CSNK1G3: variants seen among roughly 807,000 people sequenced by gnomAD.
CSNK1G3 encodes casein kinase I isoform gamma-3.
In CSNK1G3, 23 loss-of-function variants were observed where a neutral mutation model predicts 64.3. The observed-to-expected ratio is 0.36, with a 90% CI of 0.26 to 0.51. The LOEUF is 0.51. CSNK1G3 is among the 20% of genes least tolerant of loss of function. The probability of loss-of-function intolerance (pLI) is 0.96; values close to 1 mark genes in which losing one functional copy is unlikely to be tolerated. For missense variants in CSNK1G3, 357 were observed against 510.5 expected (o/e 0.70, Z 2.90); for synonymous variants, 158 against 162.2 (o/e 0.97, Z 0.20).
intron 12 of CSNK1G3, among the ~76,000 whole-genome samples, chr5:123,607,962 T>G (rs1795645600): frequency 6.6e-6 from 1 of 151,566 alleles, no homozygotes; most frequent in Admixed American, 6.6e-5. Flanking sequence ...TTGAGCATGA[T>G]TTTTTTTCTT....
At chr5:123,598,200 C>T (rs1793794057) in intron 10 of CSNK1G3, among the ~76,000 whole-genome samples, 1 of 152,136 alleles carries the variant, frequency 6.6e-6, no homozygotes, top group Admixed American at 6.6e-5. Context: ...AAGTGTGCCC[C>T]TCTCGGTTCC....
chr5:123,579,661 A>G (rs1030541654), intron 6 of CSNK1G3, among the ~76,000 whole-genome samples: 2 of 152,028 alleles, frequency 1.3e-5, no homozygotes, highest in Admixed American at 1.3e-4. Flanking sequence ...ATTTGTAGAA[A>G]TGGCGAAGTG....
intron 1 of CSNK1G3, among the ~76,000 whole-genome samples, chr5:123,540,846 C>T (rs1042223944): frequency 1.4e-4 from 21 of 152,052 alleles, no homozygotes; most frequent in South Asian, 4.1e-4. Context: ...AGGCTGGTCT[C>T]GAACTTCTGA....
chr5:123,580,475 A>C (rs990282646), intron 6 of CSNK1G3, among the ~76,000 whole-genome samples: 1 of 152,082 alleles, frequency 6.6e-6, no homozygotes, highest in East Asian at 1.9e-4. Flanking sequence ...TTCAGAAGGC[A>C]GATGTTGCAG....
chr5:123,541,859 G>C (rs539933823), intron 1 of CSNK1G3, among the ~76,000 whole-genome samples: 4 of 151,982 alleles, frequency 2.6e-5, no homozygotes, highest in Non-Finnish European at 4.4e-5. Context: ...AAAGTCCACT[G>C]TCTTGCTATT....
At chr5:123,607,580 G>T (rs1795572490) in intron 12 of CSNK1G3, among the ~76,000 whole-genome samples, 1 of 152,166 alleles carries the variant, frequency 6.6e-6, no homozygotes, top group Non-Finnish European at 1.5e-5. Flanking sequence ...ATTAGTGATT[G>T]CCCAGGGCAG....
intron 6 of CSNK1G3, among the ~76,000 whole-genome samples, chr5:123,578,718 T>C (rs1789652866): frequency 6.6e-6 from 1 of 151,990 alleles, no homozygotes; most frequent in Non-Finnish European, 1.5e-5. Context: ...TCATTACATT[T>C]TATGCTTTCT....
intron 6 of CSNK1G3, among the ~76,000 whole-genome samples, chr5:123,580,944 T>C (rs1477870641): frequency 2.0e-5 from 3 of 151,936 alleles, no homozygotes; most frequent in Admixed American, 6.6e-5. Flanking sequence ...GTAAGTTCTC[T>C]GAATAGGAGA....
At chr5:123,558,106 C>CT (rs1242263555) in intron 4 of CSNK1G3, among the ~76,000 whole-genome samples, 1 of 152,156 alleles carries the variant, frequency 6.6e-6, no homozygotes. Context: ...GCTTCTAGTA[C>CT]TTTCGCCTAG....
At chr5:123,550,694 A>G (rs1178666552) in intron 2 of CSNK1G3, among the ~76,000 whole-genome samples, 1 of 152,214 alleles carries the variant, frequency 6.6e-6, no homozygotes, top group Non-Finnish European at 1.5e-5. Context: ...TTGGATTAAA[A>G]CATCACTTAA....
chr5:123,580,069 A>G (rs983377306), intron 6 of CSNK1G3, among the ~76,000 whole-genome samples: 16 of 152,004 alleles, frequency 1.1e-4, no homozygotes, highest in African/African-American at 3.6e-4. Context: ...GTGAGGAGTC[A>G]GGAAGAGATA....
At chr5:123,591,718 G>A (rs1475939074) in intron 10 of CSNK1G3, among the ~76,000 whole-genome samples, 1 of 151,972 alleles carries the variant, frequency 6.6e-6, no homozygotes, top group Non-Finnish European at 1.5e-5. Flanking sequence ...CTGTAGTTTA[G>A]TTCAATAAAT....
chr5:123,579,876 G>A (rs528910496), intron 6 of CSNK1G3, among the ~76,000 whole-genome samples: 1 of 151,992 alleles, frequency 6.6e-6, no homozygotes, highest in African/African-American at 2.4e-5. Flanking sequence ...TAAAACTCAG[G>A]AGTAGGTGGG....
chr5:123,597,956 C>T (rs1422695369), intron 10 of CSNK1G3, among the ~76,000 whole-genome samples: 5 of 152,074 alleles, frequency 3.3e-5, no homozygotes, highest in African/African-American at 1.2e-4. Flanking sequence ...GTAGTATTTT[C>T]ATTTTATTGA....
intron 1 of CSNK1G3, among the ~76,000 whole-genome samples, chr5:123,522,662 G>C (rs185823058): frequency 6.6e-6 from 1 of 152,022 alleles, no homozygotes; most frequent in Admixed American, 6.5e-5. Flanking sequence ...GTAAATAGTT[G>C]TTATGAAGTA....
rs146470509 is a variant in CSNK1G3, at chr5:123,562,319, A to C, written c.289+4755A>C. Among the ~76,000 whole-genome samples the C allele has an allele frequency of 4.7e-3, 712 of 152,086 alleles. 6 individuals are homozygous for C. The highest frequency in any genetic ancestry group is 6.8e-3 in the Non-Finnish European group (461 of 67,928). On this transcript the variant is annotated intron_variant, in intron 4 of 12. Coordinates refer to ENST00000345990, the Ensembl canonical transcript of CSNK1G3. ...CTTTATTTTTCTTTTATCGTATGGTAATTATTATTTGTCTATGTCTGTCTT... is the reference window on the plus strand; with the variant it reads ...CTTTATTTTTCTTTTATCGTATGGTCATTATTATTTGTCTATGTCTGTCTT...
intron 6 of CSNK1G3, among the ~76,000 whole-genome samples, chr5:123,581,360 G>GTTTTT (rs10612602): frequency 2.3e-3 from 189 of 81,536 alleles, no homozygotes; most frequent in Middle Eastern, 9.4e-3. Flanking sequence ...TTTTGGGTTT[G>GTTTTT]TTTTTTTTTT....
chr5:123,571,724 G>T (rs1224868550), intron 4 of CSNK1G3, among the ~76,000 whole-genome samples: 1 of 151,960 alleles, frequency 6.6e-6, no homozygotes, highest in African/African-American at 2.4e-5. Context: ...TTATTAAAAA[G>T]AATGAGAAGT....
At position 123,551,286 on chromosome 5, in the gene CSNK1G3, CTT is replaced by C. The variant is rs542053380; in HGVS notation, c.179-1818_179-1817del. 2.6e-4 allele frequency among the ~76,000 whole-genome samples: 40 copies of C among 152,252 alleles called. No individual in the cohort carries two copies. The South Asian group carries it at 6.4e-3, about 24-fold the overall frequency. ...GCCAAGTTTACTAGAGGAAACCTAA[CTT>C]TTCATTCATAATGCATTTTTGAAAA... On this transcript the variant is annotated intron_variant, in intron 2 of 12. Coordinates refer to ENST00000345990, the Ensembl canonical transcript of CSNK1G3.
Sources: gnomAD v4.1 joint callset for allele counts (sites outside exome capture counted in the v4.1 genomes callset) on GRCh38, gnomAD v4.1.1 for gene constraint, MANE v1.5 for transcripts, NCBI Gene and HGNC (gene_info 2026-07-23, HGNC 2026-07-21) for gene names.